The following PBX3 variants were observed in gnomAD, a reference collection of about 807,000 sequenced individuals.
PBX3 encodes pre-B-cell leukemia transcription factor 3.
A neutral mutation model predicts 48.5 loss-of-function variants in PBX3; 14 were observed. The ratio of observed to expected loss-of-function variants is 0.29; its 90% CI spans 0.19 to 0.45. The LOEUF is 0.45. Among genes scored for constraint, PBX3 ranks in the 20% least tolerant of loss-of-function variants. The pLI is 1.00. For synonymous variants in PBX3, 210 were observed against 200.3 expected, an observed-to-expected ratio of 1.05 and a Z score of -0.41; for missense variants, 386 against 546.7, an observed-to-expected ratio of 0.71 and a Z score of 2.93.
chr9:125,799,204 G>A lies in PBX3; in HGVS notation c.274+50581G>A, dbSNP rs180908610. ...TTATGTTGTGATGCAGTATGGAGATGACCAGAAGTAACAATAATTAAAGAA... is the reference window on the plus strand; with the variant it reads ...TTATGTTGTGATGCAGTATGGAGATAACCAGAAGTAACAATAATTAAAGAA... On this transcript the variant is annotated intron_variant, in intron 2 of 8. Coordinates refer to ENST00000373489, the MANE Select transcript of PBX3 (RefSeq NM_006195.6). Among the ~76,000 whole-genome samples, 91 of 152,250 alleles carry A rather than the reference G, an allele frequency of 6.0e-4. 1 individual carries two copies. The highest frequency in any genetic ancestry group is 2.0e-3 in the African/African-American group (84 of 41,550).
chr9:125,925,248 T>C (rs1353332398), intron 3 of PBX3, among the ~76,000 whole-genome samples: 2 of 152,194 alleles, frequency 1.3e-5, no homozygotes, highest in Non-Finnish European at 2.9e-5. Flanking sequence ...CCGAAGAGTT[T>C]TTCCTAGCAT....
intron 5 of PBX3, among the ~76,000 whole-genome samples, chr9:125,947,893 A>G (rs1255318469): frequency 3.9e-5 from 6 of 152,238 alleles, no homozygotes; most frequent in Non-Finnish European, 8.8e-5. Flanking sequence ...AGGAAGCTCA[A>G]AAAACATAAA....
intron 2 of PBX3, among the ~76,000 whole-genome samples, chr9:125,903,856 CCAGACTGT>C (rs1169075180): frequency 6.6e-6 from 1 of 151,794 alleles, no homozygotes; most frequent in African/African-American, 2.4e-5. Flanking sequence ...GACTGTAAAG[CCAGACTGT>C]CCTGCATCCA....
chr9:125,920,589 A>G (rs1841436882), intron 3 of PBX3, among the ~76,000 whole-genome samples: 1 of 152,258 alleles, frequency 6.6e-6, no homozygotes. Flanking sequence ...GTACACAGGC[A>G]ATTCACTCAT....
chr9:125,831,096 A>G (rs774998365), intron 2 of PBX3, among the ~76,000 whole-genome samples: 2 of 152,100 alleles, frequency 1.3e-5, no homozygotes, highest in Non-Finnish European at 2.9e-5. Context: ...GAATGCCCCA[A>G]TTCTAGATTT....
intron 3 of PBX3, among the ~76,000 whole-genome samples, chr9:125,916,164 C>T (rs779872393): frequency 3.3e-5 from 5 of 152,172 alleles, no homozygotes; most frequent in African/African-American, 9.7e-5. Flanking sequence ...TTATTCATTC[C>T]GCACATTCAC....
chr9:125,859,028 C>T (rs1442651879), intron 2 of PBX3, among the ~76,000 whole-genome samples: 1 of 152,102 alleles, frequency 6.6e-6, no homozygotes, highest in East Asian at 1.9e-4. Context: ...ACAGCTTCTG[C>T]CCATAGACAA....
intron 2 of PBX3, chr9:125,748,861 C>T (rs1056672803): frequency 2.6e-5 from 9 of 347,132 alleles, no homozygotes; most frequent in African/African-American, 1.5e-4. Context: ...CGTCCCTCGG[C>T]GGCCGCCCCT....
intron 2 of PBX3, among the ~76,000 whole-genome samples, chr9:125,906,032 G>A (rs1841063104): frequency 6.6e-6 from 1 of 151,966 alleles, no homozygotes; most frequent in Non-Finnish European, 1.5e-5. Context: ...AGTACTTACA[G>A]CAAAGTATAA....
chr9:125,752,800 A>G (rs1468106283), intron 2 of PBX3, among the ~76,000 whole-genome samples: 1 of 152,232 alleles, frequency 6.6e-6, no homozygotes, highest in Admixed American at 6.5e-5. Flanking sequence ...GTTATTATAT[A>G]TTTTGCATAT....
intron 2 of PBX3, among the ~76,000 whole-genome samples, chr9:125,806,908 A>G (rs1391441102): frequency 1.3e-5 from 2 of 152,242 alleles, no homozygotes; most frequent in Non-Finnish European, 2.9e-5. Context: ...GAGATCACTC[A>G]CAGAAAGTTT....
intron 2 of PBX3, among the ~76,000 whole-genome samples, chr9:125,816,245 G>T (rs1026255930): frequency 3.3e-5 from 5 of 152,026 alleles, no homozygotes; most frequent in African/African-American, 1.2e-4. Context: ...TGATCTGTGT[G>T]CCTTGGCCTC....
At chr9:125,931,916 T>G (rs1369758335) in intron 4 of PBX3, among the ~76,000 whole-genome samples, 1 of 152,226 alleles carries the variant, frequency 6.6e-6, no homozygotes, top group Non-Finnish European at 1.5e-5. Flanking sequence ...ACCTTTTTGG[T>G]CTTTAGGATT....
chr9:125,784,749 C>T (rs949041539), intron 2 of PBX3, among the ~76,000 whole-genome samples: 2 of 152,152 alleles, frequency 1.3e-5, no homozygotes, highest in African/African-American at 4.8e-5. Context: ...AAAGAAAAAA[C>T]CCCTTTCTCA....
intron 2 of PBX3, among the ~76,000 whole-genome samples, chr9:125,880,343 G>A (rs982923535): frequency 7.9e-5 from 12 of 152,146 alleles, no homozygotes; most frequent in Non-Finnish European, 1.0e-4. Context: ...GTTCTCAACC[G>A]TCATTATTAT....
At chr9:125,928,196 A>C (rs182795519) in intron 3 of PBX3, among the ~76,000 whole-genome samples, 3 of 152,002 alleles carry the variant, frequency 2.0e-5, no homozygotes, top group Admixed American at 1.3e-4. Context: ...GTCTCTACAA[A>C]AAAAAATAAT....
chr9:125,946,042 G>A, intron 5 of PBX3, among the ~76,000 whole-genome samples: 1 of 152,160 alleles, frequency 6.6e-6, no homozygotes, highest in Non-Finnish European at 1.5e-5. Context: ...AAAAAGGTAT[G>A]AATTGGTGTC....
At chr9:125,872,123 G>GA (rs1840138825) in intron 2 of PBX3, among the ~76,000 whole-genome samples, 2 of 152,030 alleles carry the variant, frequency 1.3e-5, no homozygotes, top group African/African-American at 2.4e-5. Flanking sequence ...GGTAGGGGCA[G>GA]AAAAAATTAG....
Position 125,915,853 on chromosome 9 carries a change from G to A in PBX3, c.442G>A (p.Glu148Lys), listed in dbSNP as rs1242266893. Residue 148 changes from glutamate (E) to lysine (K), a missense_variant, in exon 3 of 9, where the codon GAA (glutamate) becomes AAA (lysine). Around this residue, in one of 4 missense-constraint regions of PBX3, gnomAD observed 69 missense variants for 99.1 expected, o/e 0.70. Coordinates refer to ENST00000373489, the MANE Select transcript of PBX3 (RefSeq NM_006195.6). ...TGGAGGTTCTTCAGATAACTCTATT[G>A]AACACTCAGATTACAGAGCCAAATT... ...ASGGSSDNSI[E>K]HSDYRAKLTQ... 1 of 1,613,882 alleles carries A rather than the reference G, an allele frequency of 6.2e-7. No individual in the cohort carries two copies. The highest frequency in any genetic ancestry group is 8.5e-7 in the Non-Finnish European group (1 of 1,180,010).
Sources: allele counts gnomAD v4.1 joint callset (sites outside exome capture counted in the v4.1 genomes callset), GRCh38; gene constraint gnomAD v4.1.1; regional missense constraint gnomAD v4.1.1; transcripts MANE v1.5; gene names NCBI Gene and HGNC (gene_info 2026-07-23, HGNC 2026-07-21).